COL8A1: variants seen among roughly 807,000 people sequenced by gnomAD.
COL8A1 encodes collagen alpha-1(VIII) chain.
In COL8A1, 21 loss-of-function variants were observed where a neutral mutation model predicts 42.7. That is an observed-to-expected ratio of 0.49 (90% CI 0.35 to 0.71). COL8A1 has a LOEUF of 0.71. COL8A1 is among the 30% of genes least tolerant of loss of function. COL8A1 has a pLI of 0.01. For missense variants in COL8A1, 788 were observed against 962.4 expected, an observed-to-expected ratio of 0.82 and a Z score of 2.40; for synonymous variants, 367 against 369.1, an observed-to-expected ratio of 0.99 and a Z score of 0.06.
chr3:99,768,691 G>T (rs1318092938), intron 2 of COL8A1, among the ~76,000 whole-genome samples: 1 of 152,200 alleles, frequency 6.6e-6, no homozygotes, highest in Non-Finnish European at 1.5e-5. Context: ...CCAGGTTGGT[G>T]CAGTCCTTGG....
At chr3:99,751,713 C>T (rs1001081900) in intron 2 of COL8A1, among the ~76,000 whole-genome samples, 1 of 152,172 alleles carries the variant, frequency 6.6e-6, no homozygotes, top group Non-Finnish European at 1.5e-5. Context: ...TGGTTGTGGG[C>T]AGTCCTACGC....
At chr3:99,677,130 T>G (rs912906402) in intron 1 of COL8A1, among the ~76,000 whole-genome samples, 1 of 151,378 alleles carries the variant, frequency 6.6e-6, no homozygotes, top group Non-Finnish European at 1.5e-5. Flanking sequence ...TAATTATATA[T>G]AAACACATCA....
rs551747622 is a variant in COL8A1 at position 99,680,649 on chromosome 3, C to G, written c.-129+41985C>G. ...TATTCCTATTTCTCCACATCCTCTC[C>G]AGCACCTGTTGTTTCCTGACTTTTT... On this transcript the variant is annotated intron_variant, in intron 1 of 3. Transcript: ENST00000652472. Among the ~76,000 whole-genome samples the G allele has an allele frequency of 1.7e-3, 261 of 152,236 alleles. 5 individuals carry two copies. In the East Asian group the frequency reaches 0.048, roughly 28 times the overall value.
At chr3:99,716,421 C>G (rs747920814) in intron 1 of COL8A1, among the ~76,000 whole-genome samples, 1 of 151,890 alleles carries the variant, frequency 6.6e-6, no homozygotes, top group East Asian at 1.9e-4. Context: ...ATGATTAGCA[C>G]CAAAATGCAA....
chr3:99,648,475 A>C (rs1356739633), intron 1 of COL8A1, among the ~76,000 whole-genome samples: 1 of 151,818 alleles, frequency 6.6e-6, no homozygotes, highest in African/African-American at 2.4e-5. Flanking sequence ...GTTTTTTTTA[A>C]TCTAAAAGCA....
At chr3:99,771,740 C>A (rs1318510527) in intron 2 of COL8A1, among the ~76,000 whole-genome samples, 2 of 152,082 alleles carry the variant, frequency 1.3e-5, no homozygotes, top group African/African-American at 2.4e-5. Context: ...GCTAATGGAC[C>A]AAAAGTGTAA....
chr3:99,751,223 A>C (rs1204413209), intron 2 of COL8A1, among the ~76,000 whole-genome samples: 1 of 152,172 alleles, frequency 6.6e-6, no homozygotes, highest in Non-Finnish European at 1.5e-5. Context: ...TACCTCCTCC[A>C]ATGCCAATAT....
intron 1 of COL8A1, among the ~76,000 whole-genome samples, chr3:99,697,167 T>C (rs1414990758): frequency 6.6e-6 from 1 of 151,406 alleles, no homozygotes; most frequent in South Asian, 2.1e-4. Context: ...TTTGTATTTT[T>C]AGTAGAGACG....
intron 2 of COL8A1, among the ~76,000 whole-genome samples, chr3:99,784,557 T>C (rs1228999789): frequency 6.6e-6 from 1 of 152,212 alleles, no homozygotes; most frequent in Non-Finnish European, 1.5e-5. Flanking sequence ...TACAAACTTA[T>C]ACAGCATGTT....
At chr3:99,656,857 T>C (rs910619316) in intron 1 of COL8A1, among the ~76,000 whole-genome samples, 1 of 152,200 alleles carries the variant, frequency 6.6e-6, no homozygotes, top group African/African-American at 2.4e-5. Context: ...AACAGCACAT[T>C]CCAAATCTGT....
intron 1 of COL8A1, among the ~76,000 whole-genome samples, chr3:99,672,405 A>G (rs1938573129): frequency 6.6e-6 from 1 of 151,824 alleles, no homozygotes; most frequent in Non-Finnish European, 1.5e-5. Context: ...CCATCTTTTT[A>G]TCTCATTGGA....
rs112759561 is a variant in COL8A1, at chr3:99,658,133, A to C, written c.-129+19469A>C. On this transcript the variant is annotated intron_variant, in intron 1 of 3. Transcript: ENST00000652472. ...CCATCTCAAAAAAACAAAAAACAAA[A>C]AAAAAAAAACACCTTTCAAAGACAT... Among the ~76,000 whole-genome samples, 808 of 151,432 alleles carry C rather than the reference A, an allele frequency of 5.3e-3. 5 individuals are homozygous for C. The highest frequency in any genetic ancestry group is 0.017 in the African/African-American group (709 of 41,046).
At chr3:99,716,321 C>G (rs1939994009) in intron 1 of COL8A1, among the ~76,000 whole-genome samples, 1 of 151,936 alleles carries the variant, frequency 6.6e-6, no homozygotes, top group African/African-American at 2.4e-5. Context: ...ATTCTTACAG[C>G]CTATGAAACC....
chr3:99,775,451 G>A (rs532910650), intron 2 of COL8A1, among the ~76,000 whole-genome samples: 8 of 152,284 alleles, frequency 5.3e-5, no homozygotes, highest in East Asian at 1.9e-4. Flanking sequence ...TGTCTTATGC[G>A]TAAACTGTAG....
chr3:99,653,541 T>C (rs1431445378), intron 1 of COL8A1, among the ~76,000 whole-genome samples: 1 of 151,968 alleles, frequency 6.6e-6, no homozygotes, highest in Non-Finnish European at 1.5e-5. Flanking sequence ...CCCTTCACCA[T>C]GTCAATGCAC....
intron 1 of COL8A1, among the ~76,000 whole-genome samples, chr3:99,744,177 G>T (rs1051167542): frequency 6.6e-6 from 1 of 152,156 alleles, no homozygotes; most frequent in African/African-American, 2.4e-5. Context: ...TGATCCACCT[G>T]CCTCGGCCTC....
intron 1 of COL8A1, among the ~76,000 whole-genome samples, chr3:99,663,363 C>G (rs1938266005): frequency 6.6e-6 from 1 of 152,132 alleles, no homozygotes; most frequent in Non-Finnish European, 1.5e-5. Flanking sequence ...GGTGCCAGAA[C>G]AGGGCTCACT....
intron 1 of COL8A1, among the ~76,000 whole-genome samples, chr3:99,742,878 GA>G (rs939447635): frequency 4.6e-5 from 7 of 151,414 alleles, no homozygotes; most frequent in East Asian, 1.9e-4. Flanking sequence ...TAACTAGAAA[GA>G]AAAAAAATGA....
At chr3:99,751,141 G>C (rs1440169494) in intron 2 of COL8A1, among the ~76,000 whole-genome samples, 1 of 152,152 alleles carries the variant, frequency 6.6e-6, no homozygotes, top group Admixed American at 6.5e-5. Context: ...ATTCAGAAAT[G>C]AGTTATTTGT....
Sources: gnomAD v4.1 joint callset for allele counts (sites outside exome capture counted in the v4.1 genomes callset) on GRCh38, gnomAD v4.1.1 for gene constraint, MANE v1.5 for transcripts, NCBI Gene and HGNC (gene_info 2026-07-23, HGNC 2026-07-21) for gene names.